ADO: variants seen among roughly 807,000 people sequenced by gnomAD.
ADO encodes the protein 2-aminoethanethiol dioxygenase.
A neutral mutation model predicts 16.6 loss-of-function variants in ADO; 9 were observed. That is an observed-to-expected ratio of 0.54 (90% CI 0.33 to 0.95). The LOEUF is 0.95. Among genes scored for constraint, ADO ranks in the 40% least tolerant of loss-of-function variants. The pLI is 0.03. For missense variants in ADO, 356 were observed against 386.4 expected (o/e 0.92, Z 0.66); for synonymous variants, 189 against 179.6 (o/e 1.05, Z -0.42).
At position 62,805,583 on chromosome 10, in the gene ADO, A is replaced by C. The variant is rs888440204; in HGVS notation, c.524A>C (p.Glu175Ala). The C allele has an allele frequency of 3.8e-6, 6 of 1,580,726 alleles. No individual in the cohort carries two copies. Among genetic ancestry groups the C allele is most frequent in the Non-Finnish European group, 4.3e-6 (5 of 1,164,748 alleles). Residue 175 changes from glutamate (E) to alanine (A), a missense_variant, in exon 1 of 1, where the codon GAG becomes GCG. Glu to Ala is a moderately radical substitution (Grantham distance 107). Transcript: ENST00000373783. This position sits in a 1 kb window ranked among gnomAD's most constrained non-coding sequence, Gnocchi z 6.4. ...VRPGVLRSRA[E>A]YTEASGPCIL... ...CCGGGCGTGCTGCGTTCGCGGGCCG[A>C]GTACACCGAGGCCAGCGGCCCCTGC... is the stretch of plus-strand genomic sequence containing the variant.
chr10:62,804,940 C>T lies in ADO; in HGVS notation c.-120C>T, dbSNP rs982889750. The stretch of plus-strand genomic sequence containing the variant: ...CGGCGGTGCCGCGCGCCCGACGGGC[C>T]GGTGGTTGCGGGGCCTCCCGCCTCG... On this transcript the variant is annotated 5_prime_UTR_variant, in exon 1 of 1. Transcript: ENST00000373783. 1.0e-5 allele frequency: 10 copies of T among 954,226 alleles called. No homozygotes were observed. The highest frequency in any genetic ancestry group is 8.6e-5 in the African/African-American group (5 of 58,272). 59.1% of individuals were successfully genotyped at this position (954,226 alleles called of 1,614,324 possible). A position where few individuals can be genotyped will look rare whatever the true frequency, so the allele number is the denominator to read the frequency against.
chr10:62,805,270 C>G lies in ADO; in HGVS notation c.211C>G (p.Arg71Gly). The G allele has an allele frequency of 2.5e-6, 4 of 1,603,476 alleles. No individual in the cohort carries two copies. The highest frequency in any genetic ancestry group is 3.4e-6 in the Non-Finnish European group (4 of 1,178,908). The part of the protein sequence containing the change: ...LRAEDLNIAP[R>G]KATLQPLPPN... Reference sequence around the variant, plus strand: ...CGCCGAGGACTTGAACATCGCCCCGCGCAAGGCCACACTGCAGCCGCTGCC... The same window carrying G: ...CGCCGAGGACTTGAACATCGCCCCGGGCAAGGCCACACTGCAGCCGCTGCC... The change falls in exon 1 of 1, where the codon CGC becomes GGC. Residue 71 changes from arginine (R) to glycine (G), a missense_variant. By Grantham distance (125) the Arg-to-Gly change is moderately radical (BLOSUM62 -2). Coordinates refer to ENST00000373783, the MANE Select transcript of ADO (RefSeq NM_032804.6). This position sits in a 1 kb window ranked among gnomAD's most constrained non-coding sequence, Gnocchi z 6.4.
rs1172225862 is a variant in ADO at position 62,807,905 on chromosome 10, A to G, written c.*2033A>G. ...GTAGCAAAAAGTTGATTAGCTTACC[A>G]AGATTATTAATAGCAATGTATGTGT... On this transcript the variant is annotated 3_prime_UTR_variant, in exon 1 of 1. Transcript: ENST00000373783. 4 of 167,206 alleles carry G rather than the reference A, an allele frequency of 2.4e-5. No homozygotes were observed. Among genetic ancestry groups the G allele is most frequent in the Non-Finnish European group, 5.9e-5 (4 of 68,128 alleles). The allele number at this position is 167,206 out of a possible 1,614,324, so 10.4% of individuals were successfully genotyped here.
chr10:62,805,775 G>C lies in ADO; in HGVS notation c.716G>C (p.Cys239Ser). 1 of 1,600,172 alleles carries C rather than the reference G, an allele frequency of 6.2e-7. No individual in the cohort carries two copies. Among genetic ancestry groups the C allele is most frequent in the South Asian group, 1.1e-5 (1 of 88,672 alleles). The change falls in exon 1 of 1, where the codon TGT (cysteine) becomes TCT (serine). Residue 239 changes from cysteine (C) to serine (S), a missense_variant. By Grantham distance (112) the Cys-to-Ser change is moderately radical (BLOSUM62 -1). Coordinates refer to ENST00000373783, the MANE Select transcript of ADO (RefSeq NM_032804.6). The surrounding 1 kb of genome is among the most constrained non-coding windows in gnomAD (Gnocchi z 6.4). ...VRPKEASSSA[C>S]DLPREVWLLE... ...CCCAAGGAGGCCTCCAGCTCGGCCT[G>C]TGACCTGCCTCGAGAGGTGTGGCTC...
rs1011091994 is a variant in ADO at position 62,807,367 on chromosome 10, C to T, written c.*1495C>T. 4 of 167,158 alleles carry T rather than the reference C, an allele frequency of 2.4e-5. No homozygotes were observed. Among genetic ancestry groups the T allele is most frequent in the Non-Finnish European group, 4.4e-5 (3 of 68,128 alleles). The allele number at this position is 167,158 out of a possible 1,614,324, so 10.4% of individuals were successfully genotyped here. On this transcript the variant is annotated 3_prime_UTR_variant, in exon 1 of 1. Transcript: ENST00000373783. ...CTGTCGTCTAAGCCCTCTTGATTGACTTGCCCAAGTGGCAATAGAGTTCTA... is the reference window on the plus strand; with the variant it reads ...CTGTCGTCTAAGCCCTCTTGATTGATTTGCCCAAGTGGCAATAGAGTTCTA...
rs770725712 is a variant in ADO at position 62,805,900 on chromosome 10, C to G, written c.*28C>G. On this transcript the variant is annotated 3_prime_UTR_variant, in exon 1 of 1. Coordinates refer to ENST00000373783, the MANE Select transcript of ADO (RefSeq NM_032804.6). This position sits in a 1 kb window ranked among gnomAD's most constrained non-coding sequence, Gnocchi z 6.4. ...CCACTGGCGCCCAGGAGCGGTGGGC[C>G]GAAGACGTGCCCTACCCTACCACAA... is the stretch of plus-strand genomic sequence containing the variant. 4 of 1,458,816 alleles carry G rather than the reference C, an allele frequency of 2.7e-6. No homozygotes were observed. Among genetic ancestry groups the G allele is most frequent in the Non-Finnish European group, 3.6e-6 (4 of 1,100,358 alleles). The allele number at this position is 1,458,816 out of a possible 1,614,324, so 90.4% of individuals were successfully genotyped here.
chr10:62,804,891 C>T lies in ADO; in HGVS notation c.-169C>T. On this transcript the variant is annotated 5_prime_UTR_variant, in exon 1 of 1. Transcript: ENST00000373783. ...TCAAGGCGAGCGCGCCGGGCAGTTG[C>T]GGGCGCGTGGCTGCTGAGGTTGGCG... The T allele has an allele frequency of 6.0e-6, 3 of 501,740 alleles. No individual in the cohort carries two copies. The highest frequency in any genetic ancestry group is 8.9e-6 in the Non-Finnish European group (3 of 336,198). The allele number at this position is 501,740 out of a possible 1,614,324, so 31.1% of individuals were successfully genotyped here.
chr10:62,806,085 G>A lies in ADO; in HGVS notation c.*213G>A. ...GGAGGCTAGATTGTTTCCTGGTACTGTCACTGCCACTGGGGCTTTGATTTG... is the reference window on the plus strand; with the variant it reads ...GGAGGCTAGATTGTTTCCTGGTACTATCACTGCCACTGGGGCTTTGATTTG... On this transcript the variant is annotated 3_prime_UTR_variant, in exon 1 of 1. Coordinates refer to ENST00000373783, the MANE Select transcript of ADO (RefSeq NM_032804.6). 1 of 506,598 alleles carries A rather than the reference G, an allele frequency of 2.0e-6. No homozygotes were observed. Among genetic ancestry groups the A allele is most frequent in the Admixed American group, 4.0e-5 (1 of 25,238 alleles). 31.4% of individuals were successfully genotyped at this position (506,598 alleles called of 1,614,324 possible).
At position 62,805,813 on chromosome 10, in the gene ADO, C is replaced by A. The variant is rs900201534; in HGVS notation, c.754C>A (p.Gln252Lys). ...AGAGGTGTGGCTCCTGGAGACCCCA[C>A]AGGCCGATGACTTCTGGTGCGAGGG... The part of the protein sequence containing the change: ...PREVWLLETP[Q>K]ADDFWCEGEP... Residue 252 changes from glutamine (Q) to lysine (K), a missense_variant, in exon 1 of 1, where the codon CAG becomes AAG. Gln to Lys is a moderately conservative substitution (Grantham distance 53). Transcript: ENST00000373783. The surrounding 1 kb of genome is among the most constrained non-coding windows in gnomAD (Gnocchi z 6.4). The A allele has an allele frequency of 1.9e-6, 3 of 1,578,060 alleles. No individual in the cohort carries two copies. The highest frequency in any genetic ancestry group is 2.6e-6 in the Non-Finnish European group (3 of 1,162,610).
In ADO at chr10:62,805,833, C is replaced by T; in HGVS notation, c.774C>T (p.Cys258=). 2 of 1,560,546 alleles carry T rather than the reference C, an allele frequency of 1.3e-6. No homozygotes were observed. Among genetic ancestry groups the T allele is most frequent in the South Asian group, 1.2e-5 (1 of 84,610 alleles). ...CCCCACAGGCCGATGACTTCTGGTG[C>T]GAGGGAGAACCCTATCCAGGTCCCA... is the stretch of plus-strand genomic sequence containing the variant. ...LETPQADDFW[C]EGEPYPGPKV... The change falls in exon 1 of 1, where the codon TGC becomes TGT. Residue 258 remains cysteine (C), a synonymous_variant. Transcript: ENST00000373783. The surrounding 1 kb of genome is among the most constrained non-coding windows in gnomAD (Gnocchi z 6.4).
At position 62,805,875 on chromosome 10, in the gene ADO, C is replaced by A; in HGVS notation, c.*3C>A. 1 of 1,486,166 alleles carries A rather than the reference C, an allele frequency of 6.7e-7. No individual in the cohort carries two copies. The highest frequency in any genetic ancestry group is 9.0e-7 in the Non-Finnish European group (1 of 1,114,158). 92.1% of individuals were successfully genotyped at this position (1,486,166 alleles called of 1,614,324 possible). ...CAGGTCCCAAGGTCTTCCCTTGAAG[C>A]CACTGGCGCCCAGGAGCGGTGGGCC... is the stretch of plus-strand genomic sequence containing the variant. On this transcript the variant is annotated 3_prime_UTR_variant, in exon 1 of 1. Transcript: ENST00000373783. This position sits in a 1 kb window ranked among gnomAD's most constrained non-coding sequence, Gnocchi z 6.4.
Position 62,805,257 on chromosome 10 carries a change from G to A in ADO, c.198G>A (p.Leu66=), listed in dbSNP as rs1330796741. ...TGACCCAGCTCCGCGCCGAGGACTT[G>A]AACATCGCCCCGCGCAAGGCCACAC... ...SLLTQLRAED[L]NIAPRKATLQ... is the part of the protein sequence containing the mutation. The change falls in exon 1 of 1, where the codon TTG becomes TTA. Residue 66 remains leucine, a synonymous_variant. Transcript: ENST00000373783. The surrounding 1 kb of genome is among the most constrained non-coding windows in gnomAD (Gnocchi z 6.4). The A allele has an allele frequency of 2.5e-6, 4 of 1,603,388 alleles. No homozygotes were observed. Among genetic ancestry groups the A allele is most frequent in the South Asian group, 1.1e-5 (1 of 90,352 alleles).
In ADO at chr10:62,807,989, TAAAG is replaced by T. The variant is rs1842069720; in HGVS notation, c.*2118_*2121del. ...ACTCATCCTGGCTGTAGGATAGTAA[TAAAG>T]GAAGAATTATGACTTCATTATGAAA... On this transcript the variant is annotated 3_prime_UTR_variant, in exon 1 of 1. Transcript: ENST00000373783. The T allele has an allele frequency of 6.0e-6, 1 of 166,980 alleles. No individual in the cohort carries two copies. The highest frequency in any genetic ancestry group is 1.5e-5 in the Non-Finnish European group (1 of 68,108). 10.3% of individuals were successfully genotyped at this position (166,980 alleles called of 1,614,324 possible). A position where few individuals can be genotyped will look rare whatever the true frequency, so the allele number is the denominator to read the frequency against.
In ADO at chr10:62,805,538, G is replaced by T; in HGVS notation, c.479G>T (p.Arg160Leu). The change falls in exon 1 of 1, where the codon CGG becomes CTG. Residue 160 changes from arginine to leucine, a missense_variant. By Grantham distance (102) the Arg-to-Leu change is moderately radical. Coordinates refer to ENST00000373783, the MANE Select transcript of ADO (RefSeq NM_032804.6). This position sits in a 1 kb window ranked among gnomAD's most constrained non-coding sequence, Gnocchi z 6.4. ...CAGTTCGAGCCGCCGCTGCAGCCCC[G>T]GGAGCGAGAAGCCGTGCGGCCGGGC... ...EQQFEPPLQP[R>L]EREAVRPGVL... The T allele has an allele frequency of 1.3e-6, 2 of 1,547,886 alleles. No individual in the cohort carries two copies. The highest frequency in any genetic ancestry group is 1.7e-6 in the Non-Finnish European group (2 of 1,148,106).
Position 62,805,988 on chromosome 10 carries a change from C to G in ADO, c.*116C>G. On this transcript the variant is annotated 3_prime_UTR_variant, in exon 1 of 1. Transcript: ENST00000373783. This position sits in a 1 kb window ranked among gnomAD's most constrained non-coding sequence, Gnocchi z 6.4. ...TACTGGAATGAGCAGCAGCCGCTTC[C>G]TCGGCAGCCTTGGGAAGCACGGGCG... 1.2e-6 allele frequency: 1 copy of G among 864,666 alleles called. No individual in the cohort carries two copies. The highest frequency in any genetic ancestry group is 1.5e-6 in the Non-Finnish European group (1 of 664,866). The allele number at this position is 864,666 out of a possible 1,614,324, so 53.6% of individuals were successfully genotyped here. A position where few individuals can be genotyped will look rare whatever the true frequency, so the allele number is the denominator to read the frequency against.
rs1842048254 is a variant in ADO at position 62,805,906 on chromosome 10, C to T, written c.*34C>T. ...GCGCCCAGGAGCGGTGGGCCGAAGA[C>T]GTGCCCTACCCTACCACAAGGGCTG... On this transcript the variant is annotated 3_prime_UTR_variant, in exon 1 of 1. Transcript: ENST00000373783. The surrounding 1 kb of genome is among the most constrained non-coding windows in gnomAD (Gnocchi z 6.4). The T allele has an allele frequency of 6.9e-7, 1 of 1,452,652 alleles. No homozygotes were observed. Among genetic ancestry groups the T allele is most frequent in the Non-Finnish European group, 9.1e-7 (1 of 1,096,908 alleles). The allele number at this position is 1,452,652 out of a possible 1,614,324, so 90.0% of individuals were successfully genotyped here.
chr10:62,805,522 C>T lies in ADO; in HGVS notation c.463C>T (p.Pro155Ser), dbSNP rs374385777. Residue 155 changes from proline (P) to serine (S), a missense_variant, in exon 1 of 1, where the codon CCG (proline) becomes TCG (serine). Coordinates refer to ENST00000373783, the MANE Select transcript of ADO (RefSeq NM_032804.6). The surrounding 1 kb of genome is among the most constrained non-coding windows in gnomAD (Gnocchi z 6.4). ...CTTGCCGCCCGAGCAGCAGTTCGAG[C>T]CGCCGCTGCAGCCCCGGGAGCGAGA... ...RALPPEQQFE[P>S]PLQPREREAV... 1 of 1,540,432 alleles carries T rather than the reference C, an allele frequency of 6.5e-7. No homozygotes were observed. The highest frequency in any genetic ancestry group is 8.7e-7 in the Non-Finnish European group (1 of 1,145,412).
In ADO at chr10:62,807,166, A is replaced by T. The variant is rs1842061833; in HGVS notation, c.*1294A>T. 1 of 167,170 alleles carries T rather than the reference A, an allele frequency of 6.0e-6. No individual in the cohort carries two copies. The highest frequency in any genetic ancestry group is 1.5e-5 in the Non-Finnish European group (1 of 68,102). 10.4% of individuals were successfully genotyped at this position (167,170 alleles called of 1,614,324 possible). On this transcript the variant is annotated 3_prime_UTR_variant, in exon 1 of 1. Transcript: ENST00000373783. ...AGTCTTGCTATCTGTGACTAGTTTT[A>T]TTTTTGTGCTTTTAATAGTCCGAGC... is the stretch of plus-strand genomic sequence containing the variant.
In ADO at chr10:62,805,331, A is replaced by G. The variant is rs371720949; in HGVS notation, c.272A>G (p.Tyr91Cys). ...NLPPVTYMHI[Y>C]ETDGFSLGVF... is the part of the protein sequence containing the mutation. ...CCGCCAGTCACCTACATGCACATCTACGAGACGGACGGCTTCAGCCTGGGC... is the reference window on the plus strand; with the variant it reads ...CCGCCAGTCACCTACATGCACATCTGCGAGACGGACGGCTTCAGCCTGGGC... Residue 91 changes from tyrosine (Y) to cysteine (C), a missense_variant, in exon 1 of 1, where the codon TAC (tyrosine) becomes TGC (cysteine). Coordinates refer to ENST00000373783, the MANE Select transcript of ADO (RefSeq NM_032804.6). This position sits in a 1 kb window ranked among gnomAD's most constrained non-coding sequence, Gnocchi z 6.4. 2.5e-5 allele frequency: 40 copies of G among 1,603,410 alleles called. No homozygotes were observed. The highest frequency in any genetic ancestry group is 3.0e-5 in the Non-Finnish European group (35 of 1,178,882).
Sources: allele counts gnomAD v4.1 joint callset, GRCh38; gene constraint gnomAD v4.1.1; non-coding constraint Gnocchi (gnomAD v3.1); transcripts MANE v1.5; gene names NCBI Gene and HGNC (gene_info 2026-07-23, HGNC 2026-07-21).